Variants in OSBPL6 observed in about 807,000 individuals in gnomAD.
OSBPL6 encodes the protein oxysterol binding protein like 6.
In OSBPL6, 49 loss-of-function variants were observed where a neutral mutation model predicts 125.8. The ratio of observed to expected loss-of-function variants is 0.39; its 90% CI spans 0.31 to 0.49. The LOEUF (loss-of-function observed/expected upper bound fraction) is 0.49, where lower values mean the gene tolerates loss of function less well. OSBPL6 is among the 20% of genes least tolerant of loss of function. The pLI is 0.88. For synonymous variants in OSBPL6, 394 were observed against 391.8 expected (o/e 1.01, Z -0.07); for missense variants, 986 against 1,135.4 (o/e 0.87, Z 1.89).
intron 3 of OSBPL6, among the ~76,000 whole-genome samples, chr2:178,310,630 G>C (rs7570485): frequency 1.3e-5 from 2 of 151,592 alleles, no homozygotes; most frequent in East Asian, 3.9e-4. Context: ...TGTTAGCCAG[G>C]ATGGTCTCGA....
chr2:178,320,081 A>G (rs1036031258), intron 3 of OSBPL6, among the ~76,000 whole-genome samples: 1 of 152,242 alleles, frequency 6.6e-6, no homozygotes, highest in Admixed American at 6.5e-5. Context: ...AGTAAATGAC[A>G]AGATCCCTAT....
intron 20 of OSBPL6, among the ~76,000 whole-genome samples, chr2:178,387,625 G>A (rs914729518): frequency 1.3e-5 from 2 of 152,158 alleles, no homozygotes; most frequent in Non-Finnish European, 2.9e-5. Flanking sequence ...TTACCTATTT[G>A]AATGACAGAA....
intron 9 of OSBPL6, 21 bp from the exon 10 acceptor site, chr2:178,338,970 T>C (rs1689951090): frequency 6.4e-7 from 1 of 1,574,098 alleles, no homozygotes; most frequent in African/African-American, 1.4e-5. Flanking sequence ...TAACGTATTT[T>C]TATTTCTGAT....
intron 4 of OSBPL6, among the ~76,000 whole-genome samples, chr2:178,327,276 A>G (rs1439160603): frequency 1.3e-5 from 2 of 152,342 alleles, no homozygotes; most frequent in Admixed American, 1.3e-4. Flanking sequence ...TTCCACTTTC[A>G]CAAGTCACAC....
intron 1 of OSBPL6, among the ~76,000 whole-genome samples, chr2:178,240,945 G>A (rs1229550254): frequency 1.3e-5 from 2 of 152,018 alleles, no homozygotes; most frequent in Admixed American, 6.5e-5. Flanking sequence ...TGTGGCACAT[G>A]GTCCCTTGTA....
At chr2:178,250,673 G>A (rs57903042) in intron 1 of OSBPL6, among the ~76,000 whole-genome samples, 65 of 152,212 alleles carry the variant, frequency 4.3e-4, no homozygotes, top group African/African-American at 1.5e-3. Context: ...TTCTCCAACT[G>A]AACGACTTCT....
intron 1 of OSBPL6, among the ~76,000 whole-genome samples, chr2:178,260,603 G>T (rs546930872): frequency 6.6e-6 from 1 of 152,070 alleles, no homozygotes; most frequent in South Asian, 2.1e-4. Context: ...ATTACTACTT[G>T]GTTAGTCATT....
In OSBPL6 at chr2:178,395,483, G is replaced by C; in HGVS notation, c.2729G>C (p.Trp910Ser). Reference protein sequence around the residue: ...KVIDANQREAWVSNDTYWELR... With the variant: ...KVIDANQREASVSNDTYWELR... ...ATTGATGCCAATCAAAGAGAAGCCT[G>C]GGTTTCTAACGACACCTACTGGGAG... Residue 910 changes from tryptophan to serine, a missense_variant, in exon 25 of 25, where the codon TGG (tryptophan) becomes TCG (serine). This residue lies in a region of OSBPL6 where 843 missense variants were observed against 997.3 expected (regional missense o/e 0.85). Coordinates refer to ENST00000190611, the MANE Select transcript of OSBPL6 (RefSeq NM_032523.4). The C allele has an allele frequency of 6.2e-7, 1 of 1,613,724 alleles. No individual in the cohort carries two copies. The highest frequency in any genetic ancestry group is 8.5e-7 in the Non-Finnish European group (1 of 1,179,752).
chr2:178,260,753 G>A (rs1035328999), intron 1 of OSBPL6, among the ~76,000 whole-genome samples: 8 of 152,046 alleles, frequency 5.3e-5, no homozygotes, highest in Non-Finnish European at 1.0e-4. Flanking sequence ...AATATGTATC[G>A]TTACTTCTTT....
intron 1 of OSBPL6, among the ~76,000 whole-genome samples, chr2:178,260,488 G>A (rs1192696926): frequency 6.6e-6 from 1 of 151,992 alleles, no homozygotes; most frequent in African/African-American, 2.4e-5. Context: ...GGTGTTTCAG[G>A]CTCATTCTAT....
chr2:178,334,135 A>C (rs775659947), intron 8 of OSBPL6, among the ~76,000 whole-genome samples: 2 of 152,206 alleles, frequency 1.3e-5, no homozygotes, highest in Admixed American at 6.5e-5. Context: ...ACAGACAGGG[A>C]AACAGCTGTT....
At chr2:178,293,573 C>A (rs1280329010) in intron 2 of OSBPL6, among the ~76,000 whole-genome samples, 1 of 152,034 alleles carries the variant, frequency 6.6e-6, no homozygotes, top group African/African-American at 2.4e-5. Flanking sequence ...TATAGGCATG[C>A]AATGTGTAAT....
intron 2 of OSBPL6, among the ~76,000 whole-genome samples, chr2:178,299,842 GCTGTCCACATCAAGGATGAGGGTTTGTCT>G (rs1186716387): frequency 1.3e-5 from 2 of 152,018 alleles, no homozygotes; most frequent in African/African-American, 4.8e-5. Flanking sequence ...AGGTTTGATG[GCTGTCCACATCAAGGATGAGGGTTTGTCT>G]TATTCATTTA....
At chr2:178,197,882 C>T (rs2088998209) in intron 1 of OSBPL6, among the ~76,000 whole-genome samples, 1 of 152,052 alleles carries the variant, frequency 6.6e-6, no homozygotes. Flanking sequence ...AATAAGCCTA[C>T]AAGATATTAG....
chr2:178,248,237 T>C (rs1036889665), intron 1 of OSBPL6, among the ~76,000 whole-genome samples: 6 of 152,248 alleles, frequency 3.9e-5, no homozygotes, highest in Admixed American at 2.6e-4. Flanking sequence ...AGTTTACTTA[T>C]AGCGGAGGGA....
chr2:178,226,751 T>C (rs334036), intron 1 of OSBPL6, among the ~76,000 whole-genome samples: 27,530 of 152,122 alleles, frequency 0.18, 3,137 homozygotes, highest in African/African-American at 0.32. Context: ...AGAAGGAAAA[T>C]GTTAAGACTT....
Position 178,332,682 on chromosome 2 carries a change from C to G in OSBPL6, c.414C>G (p.Leu138=). The G allele has an allele frequency of 1.2e-6, 2 of 1,614,142 alleles. No individual in the cohort carries two copies. The highest frequency in any genetic ancestry group is 2.7e-5 in the African/African-American group (2 of 75,044). The stretch of plus-strand genomic sequence containing the variant: ...TCCATGGGAGCATAGATGTGGGACT[C>G]TCAGTCATGTCAATTAAAAAGAAAG... The part of the protein sequence containing the change: ...GKVHGSIDVG[L]SVMSIKKKAR... The change falls in exon 7 of 25, where the codon CTC becomes CTG. Residue 138 remains leucine, a synonymous_variant. Transcript: ENST00000190611.
Position 178,398,531 on chromosome 2 carries a change from T to A in OSBPL6, c.*2972T>A, listed in dbSNP as rs1695986805. The A allele has an allele frequency of 6.6e-6, 1 of 152,206 alleles. No individual in the cohort carries two copies. Among genetic ancestry groups the A allele is most frequent in the Non-Finnish European group, 1.5e-5 (1 of 68,046 alleles). 9.4% of individuals were successfully genotyped at this position (152,206 alleles called of 1,614,324 possible). A position where few individuals can be genotyped will look rare whatever the true frequency, so the allele number is the denominator to read the frequency against. On this transcript the variant is annotated 3_prime_UTR_variant, in exon 25 of 25. Coordinates refer to ENST00000190611, the MANE Select transcript of OSBPL6 (RefSeq NM_032523.4). The stretch of plus-strand genomic sequence containing the variant: ...AGGGTGCAGATTTACTCTCTTTTGC[T>A]GTTATTTTATTGTTTTTCTTAAATT...
intron 11 of OSBPL6, among the ~76,000 whole-genome samples, chr2:178,347,072 G>A (rs7576231): frequency 0.14 from 21,674 of 151,630 alleles, 1,675 homozygotes; most frequent in Admixed American, 0.22. Flanking sequence ...TGTAACTTAC[G>A]TTTTTCTTCT....
Sources: gnomAD v4.1 joint callset for allele counts (sites outside exome capture counted in the v4.1 genomes callset) on GRCh38, gnomAD v4.1.1 for gene constraint, gnomAD v4.1.1 regional missense constraint, MANE v1.5 for transcripts, NCBI Gene and HGNC (gene_info 2026-07-23, HGNC 2026-07-21) for gene names.